The following IL18R1 variants were observed in gnomAD, a reference collection of about 807,000 sequenced individuals.
The protein encoded by IL18R1 is interleukin-18 receptor 1.
Under a neutral mutation model 48.5 loss-of-function variants are expected in IL18R1, and 40 were observed. The ratio of observed to expected loss-of-function variants is 0.82; its 90% confidence interval spans 0.64 to 1.07. The LOEUF is 1.07. Ranked by LOEUF, IL18R1 falls within the 50% of genes least tolerant of loss-of-function variation. The pLI, the probability that IL18R1 is intolerant of heterozygous loss-of-function variation, is 0.00. For synonymous variants in IL18R1, 232 were observed against 225.9 expected (o/e 1.03, Z -0.24); for missense variants, 596 against 633.7 (o/e 0.94, Z 0.64).
intron 10 of IL18R1, among the ~76,000 whole-genome samples, chr2:102,395,057 A>G (rs1680750171): frequency 6.6e-6 from 1 of 152,210 alleles, no homozygotes; most frequent in African/African-American, 2.4e-5. Context: ...TATTACTAGA[A>G]AATGCATGGG....
chr2:102,367,149 T>G (rs1033021921), intron 2 of IL18R1, among the ~76,000 whole-genome samples: 14 of 152,184 alleles, frequency 9.2e-5, no homozygotes, highest in African/African-American at 2.7e-4. Flanking sequence ...TGGTCAGATA[T>G]ATTTCCAAAG....
rs755123193 is a variant in IL18R1 at position 102,375,869 on chromosome 2, T to G, written c.469-38T>G. The G allele has an allele frequency of 2.8e-6, 4 of 1,430,808 alleles. No homozygotes were observed. The East Asian group carries it at 7.5e-5, about 27-fold the overall frequency. The allele number at this position is 1,430,808 out of a possible 1,614,324, so 88.6% of individuals were successfully genotyped here. On this transcript the variant is annotated intron_variant, in intron 4 of 10. Transcript: ENST00000233957. ...GGATCACTGTAATATCAATTTGGCT[T>G]TTACTTAAAGTATTTTAACTTGTTT...
In IL18R1 at chr2:102,362,646, A is replaced by G. The variant is rs565388800; in HGVS notation, c.-15A>G. 1.9e-6 allele frequency: 3 copies of G among 1,598,528 alleles called. No individual in the cohort carries two copies. The highest frequency in any genetic ancestry group is 2.3e-5 in the East Asian group (1 of 44,430). On this transcript the variant is annotated 5_prime_UTR_variant, in exon 2 of 11. Transcript: ENST00000233957. ...TCTGTTTTCCAGAGAAGCCATTTGA[A>G]GCAGAATCCAAACCATGAATTGTAG...
chr2:102,378,410 A>C (rs1257157098), intron 5 of IL18R1, among the ~76,000 whole-genome samples: 1 of 152,200 alleles, frequency 6.6e-6, no homozygotes, highest in African/African-American at 2.4e-5. Context: ...TAGGGACAGT[A>C]AGAGTTCTGC....
Position 102,386,929 on chromosome 2 carries a change from A to G in IL18R1, c.878A>G (p.Asn293Ser). 1 of 1,613,982 alleles carries G rather than the reference A, an allele frequency of 6.2e-7. No individual in the cohort carries two copies. Among genetic ancestry groups the G allele is most frequent in the African/African-American group, 1.3e-5 (1 of 75,058 alleles). Residue 293 changes from asparagine to serine, a missense_variant, in exon 8 of 11, where the codon AAT becomes AGT. Asn to Ser is a conservative substitution (Grantham distance 46, BLOSUM62 1). This residue lies in a region of IL18R1 where 57 missense variants were observed against 88.2 expected (regional missense o/e 0.65). Transcript: ENST00000233957. ...RIENIGESNL[N>S]VLYNCTVAST... ...GAAAATATTGGTGAAAGCAATCTAAATGTTTTATATAATTGCACTGTGGCC... is the reference window on the plus strand; with the variant it reads ...GAAAATATTGGTGAAAGCAATCTAAGTGTTTTATATAATTGCACTGTGGCC...
At chr2:102,371,098 C>G (rs1406791355) in intron 3 of IL18R1, among the ~76,000 whole-genome samples, 1 of 150,396 alleles carries the variant, frequency 6.6e-6, no homozygotes, top group African/African-American at 2.5e-5. Context: ...CTCTTGTTAC[C>G]CAGGCTGGAG....
intron 8 of IL18R1, among the ~76,000 whole-genome samples, chr2:102,387,758 C>A (rs1680322692): frequency 6.6e-6 from 1 of 152,000 alleles, no homozygotes; most frequent in Non-Finnish European, 1.5e-5. Flanking sequence ...CAGAGACTAA[C>A]ACACCCAGAG....
rs113144768 is a variant in IL18R1 at position 102,396,720 on chromosome 2, A to G, written c.1460A>G (p.Gln487Arg). 8 of 1,614,036 alleles carry G rather than the reference A, an allele frequency of 5.0e-6. No individual in the cohort carries two copies. In the Admixed American group the frequency reaches 1.3e-4, roughly 27 times the overall value. ...TPVTDFTFLP[Q>R]SLKLLKSHRV... ...GTTACTGACTTCACATTCTTGCCCC[A>G]ATCACTAAAGCTTTTGAAATCTCAC... The change falls in exon 11 of 11, where the codon CAA becomes CGA. Residue 487 changes from glutamine (Q) to arginine (R), a missense_variant. Gln to Arg is a conservative substitution (Grantham distance 43). Coordinates refer to ENST00000233957, the MANE Select transcript of IL18R1 (RefSeq NM_003855.5).
chr2:102,394,016 A>G (rs1203252905), intron 9 of IL18R1, among the ~76,000 whole-genome samples: 1 of 152,144 alleles, frequency 6.6e-6, no homozygotes, highest in Non-Finnish European at 1.5e-5. Flanking sequence ...TCATGTTTTA[A>G]TTACCCAATT....
At chr2:102,359,856 T>C (rs1573178635) in intron 1 of IL18R1, among the ~76,000 whole-genome samples, 1 of 152,212 alleles carries the variant, frequency 6.6e-6, no homozygotes. Context: ...TAATAATAGC[T>C]AACATTTAAG....
intron 2 of IL18R1, among the ~76,000 whole-genome samples, chr2:102,367,054 G>T (rs1376513514): frequency 6.6e-6 from 1 of 152,150 alleles, no homozygotes; most frequent in Non-Finnish European, 1.5e-5. Flanking sequence ...CTGGAGGGTA[G>T]ATTATGAGAA....
At chr2:102,368,104 G>A (rs765811185) in intron 3 of IL18R1, 36 bp downstream of exon 3, 4 of 1,610,940 alleles carry the variant, frequency 2.5e-6, no homozygotes, top group Non-Finnish European at 3.4e-6. Flanking sequence ...GTATTTCACA[G>A]CCCTCTTGTC....
intron 9 of IL18R1, among the ~76,000 whole-genome samples, chr2:102,391,777 A>T (rs1411409423): frequency 6.6e-6 from 1 of 152,208 alleles, no homozygotes; most frequent in Non-Finnish European, 1.5e-5. Context: ...TATTTAAGTG[A>T]CATTTTAATT....
intron 1 of IL18R1, among the ~76,000 whole-genome samples, chr2:102,360,163 T>C (rs553985034): frequency 6.6e-6 from 1 of 152,200 alleles, no homozygotes; most frequent in African/African-American, 2.4e-5. Flanking sequence ...CATGAAGTAA[T>C]ATTAGGTGGC....
intron 3 of IL18R1, among the ~76,000 whole-genome samples, chr2:102,371,294 G>A (rs1444539625): frequency 1.3e-5 from 2 of 152,004 alleles, no homozygotes; most frequent in Non-Finnish European, 1.5e-5. Context: ...CAAAGTGCTG[G>A]GATTACAGGT....
At chr2:102,384,472 G>A (rs1334993009) in intron 6 of IL18R1, among the ~76,000 whole-genome samples, 2 of 152,152 alleles carry the variant, frequency 1.3e-5, no homozygotes, top group Non-Finnish European at 2.9e-5. Context: ...AAGTACGCTT[G>A]TAGTTCAAAA....
At chr2:102,376,720 G>A (rs777129269) in intron 5 of IL18R1, among the ~76,000 whole-genome samples, 4 of 152,176 alleles carry the variant, frequency 2.6e-5, no homozygotes, top group Non-Finnish European at 4.4e-5. Context: ...GGCTGTGTGT[G>A]ATGGAGGAAC....
At chr2:102,373,452 G>A (rs1278954718) in intron 4 of IL18R1, among the ~76,000 whole-genome samples, 1 of 151,942 alleles carries the variant, frequency 6.6e-6, no homozygotes, top group Non-Finnish European at 1.5e-5. Flanking sequence ...ACACACCGGG[G>A]CCTGTTGTGT....
intron 2 of IL18R1, chr2:102,362,957 C>A: frequency 9.5e-6 from 3 of 315,986 alleles, no homozygotes; most frequent in African/African-American, 2.2e-5. Context: ...TGGCAGCCAT[C>A]TTTATTATTG....
Sources: allele counts gnomAD v4.1 joint callset (sites outside exome capture counted in the v4.1 genomes callset), GRCh38; gene constraint gnomAD v4.1.1; regional missense constraint gnomAD v4.1.1; transcripts MANE v1.5; gene names NCBI Gene and HGNC (gene_info 2026-07-23, HGNC 2026-07-21).